The following RACGAP1 variants were observed in gnomAD, a reference collection of about 807,000 sequenced individuals.
RACGAP1 encodes rac GTPase-activating protein 1.
A neutral mutation model predicts 78.1 loss-of-function variants in RACGAP1; 30 were observed. That is an observed-to-expected ratio of 0.38 (90% CI 0.29 to 0.52). The LOEUF (loss-of-function observed/expected upper bound fraction) is 0.52. RACGAP1 is among the 20% of genes least tolerant of loss of function. The pLI, the probability that RACGAP1 is intolerant of heterozygous loss-of-function variation, is 0.82. For missense variants in RACGAP1, 587 were observed against 777.1 expected (o/e 0.76, Z 2.91); for synonymous variants, 231 against 264.8 (o/e 0.87, Z 1.24).
At chr12:49,997,392 A>G (rs1416661633) in intron 9 of RACGAP1, among the ~76,000 whole-genome samples, 188 bp from the exon 10 acceptor site, 1 of 149,628 alleles carries the variant, frequency 6.7e-6, no homozygotes, top group African/African-American at 2.5e-5. Context: ...CTCCTGTCTC[A>G]GCCTCCCGAG....
At chr12:50,016,492 C>G in intron 2 of RACGAP1, 139 bp downstream of exon 2, 1 of 846,472 alleles carries the variant, frequency 1.2e-6, no homozygotes, top group Non-Finnish European at 1.9e-6. Context: ...TAGGCTTTGA[C>G]CACGTAAGTG....
chr12:49,994,463 G>T lies in RACGAP1; in HGVS notation c.1091C>A (p.Ser364Tyr). 1.2e-6 allele frequency: 2 copies of T among 1,614,032 alleles called. No individual in the cohort carries two copies. The highest frequency in any genetic ancestry group is 1.7e-6 in the Non-Finnish European group (2 of 1,180,004). Residue 364 changes from serine to tyrosine, a missense_variant, in exon 11 of 17, where the codon TCC (serine) becomes TAC (tyrosine). Ser to Tyr is a moderately radical substitution (Grantham distance 144, BLOSUM62 -2). Coordinates refer to ENST00000312377, the MANE Select transcript of RACGAP1 (RefSeq NM_001319999.2). ...FVSQTSPMIP[S>Y]IVVHCVNEIE... ...CTCATTTACACAATGCACAACAATG[G>T]AGGGGATCATTGGAGAAGTCTGGGA... is the stretch of plus-strand genomic sequence containing the variant.
In RACGAP1 at chr12:49,989,388, C is replaced by G. The variant is rs2137189441; in HGVS notation, c.*880G>C. ...CAAAGAAAAAATGACTGTAGCTTTT[C>G]TTACCACAAAATATTGACAATCTTC... On this transcript the variant is annotated 3_prime_UTR_variant, in exon 17 of 17. Coordinates refer to ENST00000312377, the MANE Select transcript of RACGAP1 (RefSeq NM_001319999.2). 1.3e-5 allele frequency: 2 copies of G among 152,242 alleles called. No homozygotes were observed. The highest frequency in any genetic ancestry group is 3.4e-3 in the Middle Eastern group (1 of 294). 9.4% of individuals were successfully genotyped at this position (152,242 alleles called of 1,614,324 possible).
chr12:50,025,660 G>GC, upstream of RACGAP1: 1 of 543,172 alleles, frequency 1.8e-6, no homozygotes, highest in Non-Finnish European at 2.3e-6. Flanking sequence ...CGGTTTTTCG[G>GC]TTTTTTTTGT....
chr12:50,025,394 T>G lies in RACGAP1; in HGVS notation c.-5+4A>C. 1.0e-6 allele frequency: 1 copy of G among 985,668 alleles called. No individual in the cohort carries two copies. The highest frequency in any genetic ancestry group is 1.2e-6 in the Non-Finnish European group (1 of 830,178). 61.1% of individuals were successfully genotyped at this position (985,668 alleles called of 1,614,324 possible). A position where few individuals can be genotyped will look rare whatever the true frequency, so the allele number is the denominator to read the frequency against. The stretch of plus-strand genomic sequence containing the variant: ...GCACCTGGTCTGGCACCCCCACTAC[T>G]CACTTCAGTCAGCCTGGCCCCACCT... On this transcript the variant is annotated splice_donor_region_variant and intron_variant, in intron 1 of 16. Transcript: ENST00000312377.
intron 3 of RACGAP1, 76 bp from the exon 4 acceptor site, chr12:50,005,468 G>A (rs1948919211): frequency 6.5e-7 from 1 of 1,538,932 alleles, no homozygotes; most frequent in African/African-American, 1.4e-5. Context: ...GGGACAGGCA[G>A]ACCAGAAGAC....
At chr12:49,995,910 T>C (rs1419692508) in intron 10 of RACGAP1, among the ~76,000 whole-genome samples, 1 of 152,186 alleles carries the variant, frequency 6.6e-6, no homozygotes, top group East Asian at 1.9e-4. Context: ...AGAGCAAGAA[T>C]AAAAGATAAT....
chr12:49,990,552 C>G, intron 16 of RACGAP1, 132 bp downstream of exon 16: 2 of 807,214 alleles, frequency 2.5e-6, no homozygotes, highest in Non-Finnish European at 4.0e-6. Flanking sequence ...ATCCTTATAG[C>G]CCCACGTTCC....
intron 12 of RACGAP1, among the ~76,000 whole-genome samples, chr12:49,993,764 A>AGC (rs1948059412): frequency 8.0e-6 from 1 of 124,700 alleles, no homozygotes; most frequent in Non-Finnish European, 1.8e-5. Flanking sequence ...AAAAAAAAAG[A>AGC]GGCTGGGCAC....
chr12:50,024,952 T>C (rs1950207406), intron 1 of RACGAP1, among the ~76,000 whole-genome samples: 1 of 151,932 alleles, frequency 6.6e-6, no homozygotes, highest in South Asian at 2.1e-4. Flanking sequence ...AAGATGTCAT[T>C]GCCTTGCCTT....
intron 1 of RACGAP1, among the ~76,000 whole-genome samples, chr12:50,025,060 G>C (rs991962942): frequency 6.6e-6 from 1 of 151,822 alleles, no homozygotes; most frequent in African/African-American, 2.4e-5. Flanking sequence ...AAAACGATGG[G>C]GTGTCACTCC....
upstream of RACGAP1, among the ~76,000 whole-genome samples, chr12:50,030,241 T>C (rs1313312544): frequency 6.6e-6 from 1 of 151,668 alleles, no homozygotes; most frequent in Non-Finnish European, 1.5e-5. Flanking sequence ...TCCAGCTACT[T>C]GCAAGCCTGA....
chr12:50,012,577 AT>A (rs1035968471), intron 2 of RACGAP1, among the ~76,000 whole-genome samples: 9 of 151,328 alleles, frequency 5.9e-5, no homozygotes, highest in African/African-American at 1.2e-4. Flanking sequence ...AATAAAAAAA[AT>A]AAATAAATAA....
chr12:49,999,513 C>A, intron 8 of RACGAP1, 103 bp downstream of exon 8: 1 of 1,084,304 alleles, frequency 9.2e-7, no homozygotes. Flanking sequence ...AAGAAACTAC[C>A]CAATACATCC....
chr12:50,004,383 A>G, intron 4 of RACGAP1, 79 bp from the exon 5 acceptor site: 2 of 1,530,232 alleles, frequency 1.3e-6, no homozygotes, highest in Non-Finnish European at 1.8e-6. Context: ...AACAAGTCCT[A>G]CTGGTCAGGT....
upstream of RACGAP1, among the ~76,000 whole-genome samples, chr12:50,027,750 C>T (rs1248900394): frequency 2.0e-5 from 3 of 152,096 alleles, no homozygotes; most frequent in Admixed American, 6.6e-5. Flanking sequence ...CGCTTGAACC[C>T]GGGAGGCAGA....
chr12:50,029,250 G>A (rs1371074222), upstream of RACGAP1, among the ~76,000 whole-genome samples: 1 of 150,210 alleles, frequency 6.7e-6, no homozygotes, highest in South Asian at 2.1e-4. Context: ...TGGGCATGGT[G>A]GTCTGCACGC....
chr12:50,005,667 T>C (rs1853721084), intron 3 of RACGAP1, among the ~76,000 whole-genome samples: 1 of 152,192 alleles, frequency 6.6e-6, no homozygotes, highest in Non-Finnish European at 1.5e-5. Flanking sequence ...TAATGCAAAA[T>C]GAGAGTCCCA....
At chr12:50,017,059 G>T in intron 1 of RACGAP1, 1 of 1,039,328 alleles carries the variant, frequency 9.6e-7, no homozygotes, top group Non-Finnish European at 1.2e-6. Flanking sequence ...CAAGCCTATT[G>T]ATTAATATAA....
Sources: gnomAD v4.1 joint callset for allele counts (sites outside exome capture counted in the v4.1 genomes callset) on GRCh38, gnomAD v4.1.1 for gene constraint, MANE v1.5 for transcripts, NCBI Gene and HGNC (gene_info 2026-07-23, HGNC 2026-07-21) for gene names.